The following DCAF8L2 variants were observed in gnomAD, a reference collection of about 807,000 sequenced individuals.
DCAF8L2 encodes DDB1 and CUL4 associated factor 8 like 2.
For missense variants in DCAF8L2, 430 were observed against 490.7 expected (o/e 0.88, Z 1.17); for synonymous variants, 200 against 190.9 (o/e 1.05, Z -0.39).
chrX:27,536,638 G>C, the DCAF8L2 span, among the ~76,000 whole-genome samples: 39 of 77,704 alleles, frequency 5.0e-4, no homozygotes, highest in African/African-American at 1.4e-3. Flanking sequence ...GGGCAAAAAG[G>C]AAAAATAGGA....
intron 1 of DCAF8L2, among the ~76,000 whole-genome samples, chrX:27,595,154 C>T (rs189214791): frequency 9.0e-5 from 10 of 111,601 alleles, no homozygotes; most frequent in Admixed American, 7.6e-4. Context: ...CATATTTACT[C>T]AGTCCCTCAC....
chrX:27,532,726 A>ATATT, the DCAF8L2 span, among the ~76,000 whole-genome samples: 8,270 of 85,487 alleles, frequency 0.097, 566 homozygotes, highest in African/African-American at 0.19. Context: ...AGTGAGACCC[A>ATATT]TATTTATTTA....
chrX:27,541,957 G>C, the DCAF8L2 span, among the ~76,000 whole-genome samples: 2 of 111,638 alleles, frequency 1.8e-5, no homozygotes, highest in African/African-American at 6.5e-5. Flanking sequence ...TTTGTTTTCT[G>C]TTCCTGCATT....
At chrX:27,500,379 G>C in the DCAF8L2 span, among the ~76,000 whole-genome samples, 1 of 111,643 alleles carries the variant, frequency 9.0e-6, no homozygotes, top group Non-Finnish European at 1.9e-5. Flanking sequence ...CATTTATTGA[G>C]AGAAATAAAG....
At chrX:27,634,375 T>C (rs1928413454) in intron 2 of DCAF8L2, among the ~76,000 whole-genome samples, 1 of 111,768 alleles carries the variant, frequency 8.9e-6, no homozygotes, top group Non-Finnish European at 1.9e-5. Context: ...GTTCATATGT[T>C]ACCTCCTTTG....
At chrX:27,667,140 T>TG (rs749298700) in intron 2 of DCAF8L2, among the ~76,000 whole-genome samples, 2 of 96,132 alleles carry the variant, frequency 2.1e-5, no homozygotes, top group African/African-American at 3.9e-5. Context: ...AGGGGTGGGG[T>TG]GGGGGGCGGT....
the DCAF8L2 span, among the ~76,000 whole-genome samples, chrX:27,567,980 T>A: frequency 1.8e-5 from 2 of 111,560 alleles, no homozygotes; most frequent in African/African-American, 6.5e-5. Context: ...TATTTTTTTT[T>A]ATCAACAACA....
At chrX:27,474,061 T>C in the DCAF8L2 span, among the ~76,000 whole-genome samples, 2 of 110,910 alleles carry the variant, frequency 1.8e-5, no homozygotes, top group African/African-American at 6.6e-5. Flanking sequence ...CCTCTGACTA[T>C]AAATGTGTCC....
intron 3 of DCAF8L2, among the ~76,000 whole-genome samples, chrX:27,710,187 A>G (rs139238770): frequency 0.026 from 2,893 of 111,548 alleles, 88 homozygotes; most frequent in African/African-American, 0.088. Context: ...ATATTGCACC[A>G]TTAGAGTAAC....
At chrX:27,550,357 G>A in the DCAF8L2 span, among the ~76,000 whole-genome samples, 33 of 111,256 alleles carry the variant, frequency 3.0e-4, no homozygotes, top group African/African-American at 1.1e-3. Context: ...AGAGTAGTTA[G>A]CATGTCCATC....
chrX:27,507,719 A>T, the DCAF8L2 span, among the ~76,000 whole-genome samples: 1 of 111,724 alleles, frequency 9.0e-6, no homozygotes, highest in African/African-American at 3.2e-5. Context: ...AATTATGATT[A>T]TATTGACACA....
chrX:27,494,627 G>A, the DCAF8L2 span, among the ~76,000 whole-genome samples: 25 of 111,464 alleles, frequency 2.2e-4, no homozygotes, highest in Middle Eastern at 0.023. Context: ...GTGCATGTGT[G>A]CTTTTAAAAT....
intron 2 of DCAF8L2, among the ~76,000 whole-genome samples, chrX:27,669,476 ATTTT>A (rs1929864900): frequency 9.2e-6 from 1 of 108,915 alleles, no homozygotes; most frequent in African/African-American, 3.4e-5. Flanking sequence ...TTATTTATTT[ATTTT>A]TTATTTTTAT....
chrX:27,622,261 A>G (rs772990049), intron 1 of DCAF8L2, among the ~76,000 whole-genome samples: 2 of 102,591 alleles, frequency 1.9e-5, no homozygotes, highest in African/African-American at 8.1e-5. Context: ...CGTCTCTACT[A>G]AAAATACAAA....
the DCAF8L2 span, among the ~76,000 whole-genome samples, chrX:27,475,497 A>G: frequency 9.0e-6 from 1 of 111,695 alleles, no homozygotes; most frequent in Non-Finnish European, 1.9e-5. Flanking sequence ...TCAGCAGCTA[A>G]GCAATCATAT....
At chrX:27,641,908 A>G (rs1461803386) in intron 2 of DCAF8L2, among the ~76,000 whole-genome samples, 2 of 108,065 alleles carry the variant, frequency 1.9e-5, no homozygotes, top group African/African-American at 3.4e-5. Context: ...TTTTTTTTTG[A>G]GATGGAGTCT....
chrX:27,485,932 T>TTTTC, the DCAF8L2 span, among the ~76,000 whole-genome samples: 1 of 91,558 alleles, frequency 1.1e-5, no homozygotes, highest in Admixed American at 1.2e-4. Context: ...CTCTTTTTTT[T>TTTTC]TTTTTTTTTT....
chrX:27,744,819 G>A (rs72623787), intron 4 of DCAF8L2, among the ~76,000 whole-genome samples: 69 of 111,471 alleles, frequency 6.2e-4, no homozygotes, highest in East Asian at 3.7e-3. Context: ...CTCTTACCAC[G>A]TGACACTCCC....
chrX:27,533,105 AAAGG>A, the DCAF8L2 span, among the ~76,000 whole-genome samples: 2 of 49,561 alleles, frequency 4.0e-5, 1 homozygote, highest in Non-Finnish European at 9.5e-5. Flanking sequence ...AGAAAGGAAG[AAAGG>A]AAGGAAGGAA....
Sources: gnomAD v4.1 joint callset for allele counts (sites outside exome capture counted in the v4.1 genomes callset) on GRCh38, gnomAD v4.1.1 for gene constraint, MANE v1.5 for transcripts, NCBI Gene and HGNC (gene_info 2026-07-23, HGNC 2026-07-21) for gene names.